The following MTMR14 variants were observed in gnomAD, a reference collection of about 807,000 sequenced individuals.
MTMR14 encodes myotubularin related protein 14, also known as phosphatidylinositol-3,5-bisphosphate 3-phosphatase MTMR14.
MTMR14 carries 48 observed loss-of-function variants against 86.3 expected under a neutral mutation model. That is an observed-to-expected ratio of 0.56 (90% CI 0.44 to 0.71). The LOEUF (loss-of-function observed/expected upper bound fraction) is 0.71. Ranked by LOEUF, MTMR14 falls within the 30% of genes least tolerant of loss-of-function variation. The pLI, the probability that MTMR14 is intolerant of heterozygous loss-of-function variation, is 0.00. For synonymous variants in MTMR14, 366 were observed against 326.1 expected (o/e 1.12, Z -1.32); for missense variants, 780 against 834.6 (o/e 0.93, Z 0.81).
chr3:9,689,945 C>G lies in MTMR14; in HGVS notation c.1434-19C>G. On this transcript the variant is annotated intron_variant, in intron 16 of 18. Coordinates refer to ENST00000296003, the MANE Select transcript of MTMR14 (RefSeq NM_001077525.3). Reference sequence around the variant, plus strand: ...CCTGCAGTGGCCCCCGGCTCACAGCCCTGCTCCTTCCACTGCAGGAGGAAG... The same window carrying G: ...CCTGCAGTGGCCCCCGGCTCACAGCGCTGCTCCTTCCACTGCAGGAGGAAG... 6.2e-7 allele frequency: 1 copy of G among 1,604,196 alleles called. No individual in the cohort carries two copies. Among genetic ancestry groups the G allele is most frequent in the African/African-American group, 1.3e-5 (1 of 74,888 alleles).
chr3:9,650,083 G>C (rs1414192463), intron 1 of MTMR14, among the ~76,000 whole-genome samples: 1 of 152,106 alleles, frequency 6.6e-6, no homozygotes, highest in Non-Finnish European at 1.5e-5. Flanking sequence ...AGGATGAGTT[G>C]TGTCAGGGAA....
chr3:9,669,188 A>T (rs2048432439), intron 4 of MTMR14, among the ~76,000 whole-genome samples: 1 of 150,214 alleles, frequency 6.7e-6, no homozygotes, highest in Admixed American at 6.6e-5. Flanking sequence ...TAGTATAGGT[A>T]GGGGGTCTGA....
At chr3:9,675,921 C>T (rs2075554849) in intron 7 of MTMR14, among the ~76,000 whole-genome samples, 1 of 152,140 alleles carries the variant, frequency 6.6e-6, no homozygotes. Flanking sequence ...GTGAGGCTCC[C>T]AAGAATAGGC....
At chr3:9,650,610 A>G in intron 1 of MTMR14, 1 of 271,390 alleles carries the variant, frequency 3.7e-6, no homozygotes, top group Middle Eastern at 1.5e-3. Flanking sequence ...GGACTTCCTC[A>G]CTCTCCAAAT....
rs779591616 is a variant in MTMR14, at chr3:9,701,817, T to C, written c.1797T>C (p.Thr599=). 2 of 1,613,840 alleles carry C rather than the reference T, an allele frequency of 1.2e-6. No individual in the cohort carries two copies. The highest frequency in any genetic ancestry group is 1.7e-6 in the Non-Finnish European group (2 of 1,180,034). ...CLLAALSDRE[T]RLQEVRSAFL... ...TTGCAGCCCTGAGTGATCGAGAGAC[T>C]CGGCTGCAGGAGGTGCGCTCAGCCT... The change falls in exon 19 of 19, where the codon ACT becomes ACC. Residue 599 remains threonine, a synonymous_variant. Transcript: ENST00000296003. This position sits in a 1 kb window ranked among gnomAD's most constrained non-coding sequence, Gnocchi z 4.2.
chr3:9,689,563 T>C (rs758692101), intron 16 of MTMR14, among the ~76,000 whole-genome samples: 4 of 152,106 alleles, frequency 2.6e-5, no homozygotes, highest in Non-Finnish European at 4.4e-5. Context: ...GAGTGGTGGC[T>C]TATATTTATA....
Position 9,689,087 on chromosome 3 carries a change from G to C in MTMR14, c.1433+5G>C. The C allele has an allele frequency of 1.2e-6, 2 of 1,609,696 alleles. No individual in the cohort carries two copies. On this transcript the variant is annotated splice_donor_5th_base_variant and intron_variant, in intron 16 of 18. Coordinates refer to ENST00000296003, the MANE Select transcript of MTMR14 (RefSeq NM_001077525.3). ...AGCGCCAACTCAGGCAGCTTGGTAA[G>C]GGGCCAGACTTGGACCAAGGTCACT...
intron 13 of MTMR14, 35 bp from the exon 14 acceptor site, chr3:9,687,783 GTTC>G: frequency 6.5e-7 from 1 of 1,545,606 alleles, no homozygotes; most frequent in Non-Finnish European, 8.8e-7. Context: ...TGCTGCCTTG[GTTC>G]TTCTCATTGT....
At chr3:9,676,595 G>C (rs1287960143) in intron 7 of MTMR14, among the ~76,000 whole-genome samples, 1 of 152,190 alleles carries the variant, frequency 6.6e-6, no homozygotes, top group Non-Finnish European at 1.5e-5. Context: ...CAAAATCAAG[G>C]CTTAGAGACA....
At chr3:9,688,551 TCTTATAA>T in intron 14 of MTMR14, 138 bp from the exon 15 acceptor site, 1 of 881,712 alleles carries the variant, frequency 1.1e-6, no homozygotes, top group Non-Finnish European at 1.9e-6. Flanking sequence ...GGCCCTGGTG[TCTTATAA>T]CACTCCCTAG....
chr3:9,691,361 A>G (rs1266829211), intron 17 of MTMR14, among the ~76,000 whole-genome samples: 3 of 152,198 alleles, frequency 2.0e-5, no homozygotes, highest in Non-Finnish European at 4.4e-5. Context: ...CTGTGTGTGC[A>G]TGCCTGCTGC....
chr3:9,662,081 T>G (rs1261227822), intron 2 of MTMR14, among the ~76,000 whole-genome samples, 186 bp from the exon 3 acceptor site: 1 of 151,306 alleles, frequency 6.6e-6, no homozygotes, highest in Non-Finnish European at 1.5e-5. Flanking sequence ...ACAGTGAAAC[T>G]CCGTCTCAAA....
intron 12 of MTMR14, 80 bp from the exon 13 acceptor site, chr3:9,685,131 G>C: frequency 6.3e-7 from 1 of 1,592,760 alleles, no homozygotes; most frequent in Non-Finnish European, 8.6e-7. Flanking sequence ...CAGTGACACA[G>C]TCTGTGTCTG....
At chr3:9,680,805 C>G (rs1214023751) in intron 9 of MTMR14, among the ~76,000 whole-genome samples, 1 of 152,232 alleles carries the variant, frequency 6.6e-6, no homozygotes, top group Non-Finnish European at 1.5e-5. Context: ...CCACTACACT[C>G]CAGCCTGGGC....
chr3:9,682,943 C>CG (rs59234061), intron 9 of MTMR14, among the ~76,000 whole-genome samples: 12 of 151,486 alleles, frequency 7.9e-5, no homozygotes, highest in African/African-American at 2.2e-4. Context: ...GCCCCCCCCC[C>CG]GCCCCCGCCC....
intron 16 of MTMR14, among the ~76,000 whole-genome samples, chr3:9,689,329 CA>C (rs2076064942): frequency 6.6e-6 from 1 of 152,146 alleles, no homozygotes; most frequent in Non-Finnish European, 1.5e-5. Flanking sequence ...AGCAGCTGGG[CA>C]GGGTAGGGCA....
chr3:9,686,541 A>G (rs2075963013), intron 13 of MTMR14, among the ~76,000 whole-genome samples: 1 of 152,356 alleles, frequency 6.6e-6, no homozygotes, highest in Non-Finnish European at 1.5e-5. Context: ...CCCCAGGCCT[A>G]TTAGTTAAAC....
chr3:9,694,797 C>G (rs893095958), intron 17 of MTMR14, among the ~76,000 whole-genome samples: 5 of 152,210 alleles, frequency 3.3e-5, no homozygotes, highest in East Asian at 1.9e-4. Context: ...TAAAAGACAC[C>G]TGCTCTGAGT....
At position 9,677,970 on chromosome 3, in the gene MTMR14, C is replaced by G. The variant is rs188918962; in HGVS notation, c.823-14C>G. The G allele has an allele frequency of 7.6e-5, 122 of 1,613,796 alleles. No homozygotes were observed. The highest frequency in any genetic ancestry group is 1.8e-4 in the Admixed American group (11 of 59,968). ...TGGCCAACCCACATCTCACAGGAGTCTTTCTGTCCCCAGGACTACGTTGAT... is the reference window on the plus strand; with the variant it reads ...TGGCCAACCCACATCTCACAGGAGTGTTTCTGTCCCCAGGACTACGTTGAT... On this transcript the variant is annotated splice_polypyrimidine_tract_variant and intron_variant, in intron 8 of 18. Transcript: ENST00000296003. The surrounding 1 kb of genome is among the most constrained non-coding windows in gnomAD (Gnocchi z 4.2).
Sources: allele counts gnomAD v4.1 joint callset (sites outside exome capture counted in the v4.1 genomes callset), GRCh38; gene constraint gnomAD v4.1.1; non-coding constraint Gnocchi (gnomAD v3.1); transcripts MANE v1.5; gene names NCBI Gene and HGNC (gene_info 2026-07-23, HGNC 2026-07-21).